The following LAMA1 variants were observed in gnomAD, a reference collection of about 807,000 sequenced individuals.
LAMA1 encodes the protein laminin subunit alpha-1.
A neutral mutation model predicts 348.7 loss-of-function variants in LAMA1; 219 were observed. That is an observed-to-expected ratio of 0.63 (90% CI 0.56 to 0.70). The LOEUF (loss-of-function observed/expected upper bound fraction) is 0.70, where lower values mean the gene tolerates loss of function less well. Among genes scored for constraint, LAMA1 ranks in the 30% least tolerant of loss-of-function variants. The probability of loss-of-function intolerance (pLI) is 0.00; values close to 1 mark genes in which losing one functional copy is unlikely to be tolerated. For synonymous variants in LAMA1, 1,487 were observed against 1,491.0 expected (o/e 1.00, Z 0.06); for missense variants, 3,744 against 3,888.0 (o/e 0.96, Z 0.99).
intron 25 of LAMA1, among the ~76,000 whole-genome samples, 196 bp from the exon 26 acceptor site, chr18:7,010,581 T>C (rs566773885): frequency 6.6e-6 from 1 of 152,342 alleles, no homozygotes; most frequent in African/African-American, 2.4e-5. Context: ...GTTATATAGT[T>C]CCTTTCGAGA....
chr18:6,982,997 G>T, intron 40 of LAMA1, 102 bp downstream of exon 40: 1 of 1,451,180 alleles, frequency 6.9e-7, no homozygotes, highest in Non-Finnish European at 9.7e-7. Context: ...CACCAGAAAA[G>T]AATGTTAATA....
intron 54 of LAMA1, 60 bp from the exon 55 acceptor site, chr18:6,958,722 A>AT: frequency 2.1e-6 from 3 of 1,408,016 alleles, no homozygotes; most frequent in Non-Finnish European, 3.0e-6. Flanking sequence ...TAATAATTCC[A>AT]TTTTAGTCCA....
chr18:7,110,396 C>A (rs1040435235), intron 1 of LAMA1, among the ~76,000 whole-genome samples: 2 of 151,976 alleles, frequency 1.3e-5, no homozygotes, highest in African/African-American at 4.8e-5. Context: ...CAAAAGAATG[C>A]CAAGAACAGG....
chr18:6,961,752 C>G lies in LAMA1; in HGVS notation c.7460G>C (p.Arg2487Pro). 1 of 1,614,090 alleles carries G rather than the reference C, an allele frequency of 6.2e-7. No individual in the cohort carries two copies. Among genetic ancestry groups the G allele is most frequent in the Non-Finnish European group, 8.5e-7 (1 of 1,179,994 alleles). ...VRKGCLLEPIRSVSFLKGGYI... is the reference protein window; with the variant it reads ...VRKGCLLEPIPSVSFLKGGYI... ...GCCGCCTTTCAGGAAGCTAACACTC[C>G]GGATGGGCTGGACACAGAGGAGATG... The change falls in exon 53 of 63, where the codon CGG becomes CCG. Residue 2487 changes from arginine to proline, a missense_variant. Arg to Pro is a moderately radical substitution (Grantham distance 103). Around this residue, in one of 3 missense-constraint regions of LAMA1, gnomAD observed 1,983 missense variants for 1,934.3 expected, o/e 1.03. Coordinates refer to ENST00000389658, the MANE Select transcript of LAMA1 (RefSeq NM_005559.4).
At chr18:7,070,156 T>C (rs2058139976) in intron 3 of LAMA1, among the ~76,000 whole-genome samples, 2 of 152,316 alleles carry the variant, frequency 1.3e-5, no homozygotes, top group Admixed American at 6.5e-5. Context: ...CAAATCATAA[T>C]GATGAGCTTA....
At chr18:7,102,895 G>C (rs994437177) in intron 1 of LAMA1, among the ~76,000 whole-genome samples, 1 of 152,218 alleles carries the variant, frequency 6.6e-6, no homozygotes, top group Non-Finnish European at 1.5e-5. Flanking sequence ...TTCATCATCA[G>C]TAAATAATCC....
intron 36 of LAMA1, among the ~76,000 whole-genome samples, chr18:6,986,739 C>T (rs189684378): frequency 1.6e-4 from 24 of 152,298 alleles, no homozygotes; most frequent in Admixed American, 1.4e-3. Context: ...CAAGCAGGCA[C>T]AAGTCTTGAA....
rs1352498303 is a variant in LAMA1, at chr18:7,002,535, T to C, written c.4261-150A>G. ...AGGGGAGCATTTTCCTCCATATTCTTAAAATCCTGAAAACATTTCCCGCTC... is the reference window on the plus strand; with the variant it reads ...AGGGGAGCATTTTCCTCCATATTCTCAAAATCCTGAAAACATTTCCCGCTC... On this transcript the variant is annotated intron_variant, in intron 29 of 62. Transcript: ENST00000389658. 11 of 901,692 alleles carry C rather than the reference T, an allele frequency of 1.2e-5. No individual in the cohort carries two copies. In the African/African-American group the frequency reaches 1.5e-4, roughly 12 times the overall value. The allele number at this position is 901,692 out of a possible 1,614,324, so 55.9% of individuals were successfully genotyped here.
At chr18:6,965,683 C>A (rs758659606) in intron 49 of LAMA1, 2 of 514,440 alleles carry the variant, frequency 3.9e-6, no homozygotes, top group Non-Finnish European at 7.0e-6. Flanking sequence ...GGAATCTCCT[C>A]GTATCTTTTT....
At chr18:6,995,225 G>A (rs951440372) in intron 34 of LAMA1, 132 bp downstream of exon 34, 2 of 737,966 alleles carry the variant, frequency 2.7e-6, no homozygotes, top group Non-Finnish European at 5.0e-6. Context: ...TTAAGTACCT[G>A]GAGCACAGCT....
In LAMA1 at chr18:6,973,111, C is replaced by T; in HGVS notation, c.6720G>A (p.Leu2240=). The T allele has an allele frequency of 1.9e-6, 3 of 1,614,148 alleles. No homozygotes were observed. Among genetic ancestry groups the T allele is most frequent in the Non-Finnish European group, 2.5e-6 (3 of 1,179,970 alleles). ...TSKSPGTANV[L]DVNNSTLMFV... ...ACATGAGTGTTGAATTGTTTACATC[C>T]AGAACATTAGCTGTCCCAGGGGATT... The change falls in exon 47 of 63, where the codon CTG becomes CTA. Residue 2240 remains leucine, a synonymous_variant. Coordinates refer to ENST00000389658, the MANE Select transcript of LAMA1 (RefSeq NM_005559.4).
chr18:6,948,426 T>C lies in LAMA1; in HGVS notation c.8687A>G (p.Asp2896Gly). Reference sequence around the variant, plus strand: ...ACCAAGAGCTGCATATCCGCTTCCGTCAAAGTATGTTCCTTCCTGGGCCAC... The same window carrying C: ...ACCAAGAGCTGCATATCCGCTTCCGCCAAAGTATGTTCCTTCCTGGGCCAC... ...YAVAQEGTYF[D>G]GSGYAALVKE... The change falls in exon 60 of 63, where the codon GAC becomes GGC. Residue 2896 changes from aspartate (D) to glycine (G), a missense_variant. This residue lies in a region of LAMA1 where 232 missense variants were observed against 264.4 expected (regional missense o/e 0.88). Coordinates refer to ENST00000389658, the MANE Select transcript of LAMA1 (RefSeq NM_005559.4). The C allele has an allele frequency of 6.2e-7, 1 of 1,614,156 alleles. No individual in the cohort carries two copies. Among genetic ancestry groups the C allele is most frequent in the Non-Finnish European group, 8.5e-7 (1 of 1,180,018 alleles).
intron 28 of LAMA1, among the ~76,000 whole-genome samples, chr18:7,008,247 T>C (rs1600389607): frequency 6.6e-6 from 1 of 152,136 alleles, no homozygotes; most frequent in East Asian, 1.9e-4. Flanking sequence ...CTGAGGATGA[T>C]AGTGGTGACA....
intron 3 of LAMA1, among the ~76,000 whole-genome samples, chr18:7,074,966 GCAAAAAAAAAAA>G (rs2058160970): frequency 4.9e-5 from 1 of 20,570 alleles, no homozygotes; most frequent in African/African-American, 1.9e-4. Context: ...ATACATAGAG[GCAAAAAAAAAAA>G]AAAAAAAAAA....
chr18:6,961,625 C>T lies in LAMA1; in HGVS notation c.7587G>A (p.Gly2529=). The change falls in exon 53 of 63, where the codon GGG becomes GGA. Residue 2529 remains glycine, a synonymous_variant. Coordinates refer to ENST00000389658, the MANE Select transcript of LAMA1 (RefSeq NM_005559.4). ...CACGATCACCCCGCTTCTCCACATC[C>T]CCGCCGAGGGCAGCCAGGATGATGC... ...SSGIILAALG[G]DVEKRGDREE... is the part of the protein sequence containing the mutation. 6.2e-7 allele frequency: 1 copy of T among 1,614,072 alleles called. No individual in the cohort carries two copies. Among genetic ancestry groups the T allele is most frequent in the Non-Finnish European group, 8.5e-7 (1 of 1,180,040 alleles).
chr18:6,962,428 C>T (rs900488375), intron 51 of LAMA1, among the ~76,000 whole-genome samples: 24 of 115,712 alleles, frequency 2.1e-4, no homozygotes, highest in Non-Finnish European at 3.6e-4. Context: ...CAAGAAAGGG[C>T]GGGGGGTGGG....
chr18:7,079,781 A>AC, intron 3 of LAMA1, 194 bp downstream of exon 3: 1 of 606,368 alleles, frequency 1.6e-6, no homozygotes, highest in African/African-American at 1.8e-5. Context: ...CTCCCTGAAG[A>AC]CACCTGGGAA....
rs546689749 is a variant in LAMA1, at chr18:7,065,961, G to C, written c.345+14014C>G. On this transcript the variant is annotated intron_variant, in intron 3 of 62. Coordinates refer to ENST00000389658, the MANE Select transcript of LAMA1 (RefSeq NM_005559.4). ...GCAAAGAGACCACAGGTCTGAGGAG[G>C]TGCACGGCATCAACAGGCAGCTGTC... Among the ~76,000 whole-genome samples, 11 of 152,222 alleles carry C rather than the reference G, an allele frequency of 7.2e-5. No individual in the cohort carries two copies. In the South Asian group the frequency reaches 1.7e-3, roughly 23 times the overall value.
At chr18:7,003,910 A>G (rs1231653028) in intron 29 of LAMA1, among the ~76,000 whole-genome samples, 3 of 152,160 alleles carry the variant, frequency 2.0e-5, no homozygotes, top group African/African-American at 7.2e-5. Context: ...ACTGGGATCT[A>G]CCTGACCTCT....
Sources: gnomAD v4.1 joint callset for allele counts (sites outside exome capture counted in the v4.1 genomes callset) on GRCh38, gnomAD v4.1.1 for gene constraint, gnomAD v4.1.1 regional missense constraint, MANE v1.5 for transcripts, NCBI Gene and HGNC (gene_info 2026-07-23, HGNC 2026-07-21) for gene names.